The following CDC42EP3 variants were observed in gnomAD, a reference collection of about 807,000 sequenced individuals.
CDC42EP3 encodes the protein CDC42 effector protein 3.
CDC42EP3 carries 4 observed loss-of-function variants against 15.5 expected under a neutral mutation model. The ratio of observed to expected loss-of-function variants is 0.26; its 90% CI spans 0.13 to 0.59. The LOEUF is 0.59. Ranked by LOEUF, CDC42EP3 falls within the 20% of genes least tolerant of loss-of-function variation. CDC42EP3 has a pLI of 0.89. For synonymous variants in CDC42EP3, 145 were observed against 130.3 expected (o/e 1.11, Z -0.77); for missense variants, 309 against 311.2 (o/e 0.99, Z 0.05).
intron 1 of CDC42EP3, among the ~76,000 whole-genome samples, chr2:37,660,117 A>G (rs1159957724): frequency 6.6e-6 from 1 of 152,276 alleles, no homozygotes; most frequent in Admixed American, 6.5e-5. Context: ...ACAAGGCATT[A>G]TCTTTTCCCC....
chr2:37,670,372 GCCCCC>G (rs983839736), intron 1 of CDC42EP3, among the ~76,000 whole-genome samples: 1 of 151,782 alleles, frequency 6.6e-6, no homozygotes, highest in African/African-American at 2.4e-5. Flanking sequence ...CCTCCCTAGA[GCCCCC>G]CTACAACCTC....
intron 1 of CDC42EP3, among the ~76,000 whole-genome samples, chr2:37,650,535 G>A (rs1172592797): frequency 6.6e-6 from 1 of 152,188 alleles, no homozygotes; most frequent in African/African-American, 2.4e-5. Context: ...ACTAGCTGAG[G>A]AAGCCATGAG....
chr2:37,658,905 C>G (rs143342591), intron 1 of CDC42EP3, among the ~76,000 whole-genome samples: 1 of 152,228 alleles, frequency 6.6e-6, no homozygotes, highest in Non-Finnish European at 1.5e-5. Context: ...CCTCATGTAA[C>G]CTTATCACTC....
chr2:37,648,488 T>A lies in CDC42EP3; in HGVS notation c.-235-1666A>T, dbSNP rs528624022. ...CTGGCTCAGTAACAGCTAACTCAATTTGGGAAGCAGCTAGCTCAGCGTGTC... is the reference window on the plus strand; with the variant it reads ...CTGGCTCAGTAACAGCTAACTCAATATGGGAAGCAGCTAGCTCAGCGTGTC... On this transcript the variant is annotated intron_variant, in intron 1 of 1. Coordinates refer to ENST00000295324, the MANE Select transcript of CDC42EP3 (RefSeq NM_006449.5). Among the ~76,000 whole-genome samples, 12 of 152,286 alleles carry A rather than the reference T, an allele frequency of 7.9e-5. No homozygotes were observed. The East Asian group carries it at 2.3e-3, about 29-fold the overall frequency.
At position 37,646,469 on chromosome 2, in the gene CDC42EP3, T is replaced by C. The variant is rs986148253; in HGVS notation, c.119A>G (p.His40Arg). The C allele has an allele frequency of 6.2e-7, 1 of 1,614,038 alleles. No homozygotes were observed. Among genetic ancestry groups the C allele is most frequent in the Non-Finnish European group, 8.5e-7 (1 of 1,180,030 alleles). ...GCCCTCTTTGCCAATGTGGATGGTG[T>C]GGCGAAAGTCTCCAAGCGGGGGACT... is the stretch of plus-strand genomic sequence containing the variant. ...MISPPLGDFR[H>R]TIHIGKEGQH... Residue 40 changes from histidine (H) to arginine (R), a missense_variant, in exon 2 of 2, where the codon CAC becomes CGC. Physicochemically the swap from His to Arg is conservative, Grantham distance 29. Coordinates refer to ENST00000295324, the MANE Select transcript of CDC42EP3 (RefSeq NM_006449.5).
intron 1 of CDC42EP3, among the ~76,000 whole-genome samples, chr2:37,660,445 C>T (rs1051598228): frequency 1.3e-5 from 2 of 152,112 alleles, no homozygotes; most frequent in South Asian, 2.1e-4. Context: ...TGAAACGTCC[C>T]GGAGTTGGGA....
Position 37,651,664 on chromosome 2 carries a change from G to A in CDC42EP3, c.-235-4842C>T, listed in dbSNP as rs80006231. ...CTCAGAAGAGAAACATTTGTAGTCGGAAAGGAAAGTGAGAAAATTCAACAG... is the reference window on the plus strand; with the variant it reads ...CTCAGAAGAGAAACATTTGTAGTCGAAAAGGAAAGTGAGAAAATTCAACAG... On this transcript the variant is annotated intron_variant, in intron 1 of 1. Transcript: ENST00000295324. Among the ~76,000 whole-genome samples, 1,155 of 152,334 alleles carry A rather than the reference G, an allele frequency of 7.6e-3. 12 individuals are homozygous for A. Among genetic ancestry groups the A allele is most frequent in the African/African-American group, 0.025 (1,041 of 41,564 alleles).
intron 1 of CDC42EP3, among the ~76,000 whole-genome samples, chr2:37,661,703 T>C (rs1275389805): frequency 1.3e-5 from 2 of 152,190 alleles, no homozygotes; most frequent in African/African-American, 4.8e-5. Flanking sequence ...GAAAAAGTCA[T>C]AGCCATCTGA....
intron 1 of CDC42EP3, among the ~76,000 whole-genome samples, chr2:37,659,020 A>G (rs151290241): frequency 4.3e-4 from 66 of 152,366 alleles, no homozygotes; most frequent in Non-Finnish European, 7.5e-4. Context: ...CACACTTGCA[A>G]CTGAATCTCC....
At chr2:37,671,730 C>G (rs1429022126), upstream of CDC42EP3, 1 of 148,988 alleles carries the variant, frequency 6.7e-6, no homozygotes, top group East Asian at 2.0e-4. Context: ...CTCACTGGGG[C>G]GGGGCGGAGG....
At chr2:37,667,569 ATAAAT>A (rs1295623684) in intron 1 of CDC42EP3, among the ~76,000 whole-genome samples, 1 of 152,208 alleles carries the variant, frequency 6.6e-6, no homozygotes, top group African/African-American at 2.4e-5. Flanking sequence ...CGTTTATGGC[ATAAAT>A]TAAACTGCTT....
At chr2:37,660,600 C>CTG (rs1194783977) in intron 1 of CDC42EP3, among the ~76,000 whole-genome samples, 23 of 152,122 alleles carry the variant, frequency 1.5e-4, no homozygotes, top group Non-Finnish European at 2.4e-4. Flanking sequence ...TGTTGACCCA[C>CTG]TTACTTTATC....
intron 1 of CDC42EP3, among the ~76,000 whole-genome samples, chr2:37,651,759 C>A (rs965626077): frequency 2.0e-5 from 3 of 152,146 alleles, no homozygotes; most frequent in Non-Finnish European, 4.4e-5. Context: ...CAGGTGGAAT[C>A]GCCTGGGCCC....
intron 1 of CDC42EP3, among the ~76,000 whole-genome samples, chr2:37,656,586 G>T (rs1196171377): frequency 6.6e-6 from 1 of 152,212 alleles, no homozygotes; most frequent in African/African-American, 2.4e-5. Context: ...GGCATGTAAT[G>T]CTCAGAGCAT....
chr2:37,668,370 C>T (rs543658493), intron 1 of CDC42EP3, among the ~76,000 whole-genome samples: 47 of 152,310 alleles, frequency 3.1e-4, no homozygotes, highest in African/African-American at 1.1e-3. Flanking sequence ...TACTCTGGGC[C>T]AGGCACTGTT....
At chr2:37,662,222 TC>T (rs985780001) in intron 1 of CDC42EP3, among the ~76,000 whole-genome samples, 2 of 152,212 alleles carry the variant, frequency 1.3e-5, no homozygotes, top group African/African-American at 4.8e-5. Context: ...ATGTAGTGAC[TC>T]CCTTTGGGAG....
intron 1 of CDC42EP3, among the ~76,000 whole-genome samples, chr2:37,653,517 A>G (rs1665753147): frequency 2.0e-5 from 3 of 152,158 alleles, no homozygotes; most frequent in African/African-American, 7.2e-5. Flanking sequence ...TTTTTGGCAA[A>G]CAGAATGATG....
At chr2:37,657,217 CCTT>C (rs1665894835) in intron 1 of CDC42EP3, among the ~76,000 whole-genome samples, 2 of 152,208 alleles carry the variant, frequency 1.3e-5, no homozygotes, top group South Asian at 2.1e-4. Flanking sequence ...AGCTCTCCCA[CCTT>C]CTTACCATCA....
At chr2:37,669,233 T>C (rs1488719846) in intron 1 of CDC42EP3, among the ~76,000 whole-genome samples, 4 of 121,422 alleles carry the variant, frequency 3.3e-5, no homozygotes, top group Non-Finnish European at 6.9e-5. Flanking sequence ...ATGGCCTGGC[T>C]AAAAAAAAAA....
Sources: allele counts gnomAD v4.1 joint callset (sites outside exome capture counted in the v4.1 genomes callset), GRCh38; gene constraint gnomAD v4.1.1; transcripts MANE v1.5; gene names NCBI Gene and HGNC (gene_info 2026-07-23, HGNC 2026-07-21).